Variants in SDAD1 observed in about 807,000 individuals in gnomAD.
SDAD1 encodes the protein SDA1 domain containing 1, also known as protein SDA1 homolog.
A neutral mutation model predicts 100.3 loss-of-function variants in SDAD1; 79 were observed. That is an observed-to-expected ratio of 0.79 (90% confidence interval 0.66 to 0.95). The LOEUF is 0.95. Among genes scored for constraint, SDAD1 ranks in the 40% least tolerant of loss-of-function variants. The pLI is 0.00. For missense variants in SDAD1, 790 were observed against 810.9 expected (o/e 0.97, Z 0.31); for synonymous variants, 267 against 271.4 (o/e 0.98, Z 0.16).
intron 14 of SDAD1, among the ~76,000 whole-genome samples, chr4:75,963,161 TTTC>T (rs1729344410): frequency 6.6e-6 from 1 of 152,220 alleles, no homozygotes; most frequent in Admixed American, 6.5e-5. Context: ...CCTTTCCCTA[TTTC>T]TTGTTTTTGT....
Position 75,984,776 on chromosome 4 carries a change from CAA to C in SDAD1, c.91-2741_91-2740del, listed in dbSNP as rs879804124. Among the ~76,000 whole-genome samples, 526 of 120,098 alleles carry C rather than the reference CAA, an allele frequency of 4.4e-3. 4 individuals are homozygous for C. The highest frequency in any genetic ancestry group is 0.012 in the African/African-American group (373 of 30,488). The allele number at this position is 120,098 out of a possible 152,430, so 78.8% of individuals were successfully genotyped here. On this transcript the variant is annotated intron_variant, in intron 1 of 21. Coordinates refer to ENST00000356260, the MANE Select transcript of SDAD1 (RefSeq NM_018115.4). ...ATTATGTGACATACACACACACACA[CAA>C]ACACACACACACACACACACACACA...
At chr4:75,968,267 G>A (rs1438292110) in intron 11 of SDAD1, among the ~76,000 whole-genome samples, 1 of 152,218 alleles carries the variant, frequency 6.6e-6, no homozygotes, top group Non-Finnish European at 1.5e-5. Flanking sequence ...AAAAAGCAAT[G>A]TAGTCAGCAA....
chr4:75,971,257 A>G, intron 9 of SDAD1, 100 bp downstream of exon 9: 1 of 779,456 alleles, frequency 1.3e-6, no homozygotes, highest in South Asian at 1.8e-5. Flanking sequence ...AAGTATTCTG[A>G]AAATGGTACT....
At chr4:75,965,151 G>A (rs992781658) in intron 13 of SDAD1, among the ~76,000 whole-genome samples, 6 of 152,188 alleles carry the variant, frequency 3.9e-5, no homozygotes, top group Non-Finnish European at 8.8e-5. Flanking sequence ...GAAAGAGAAT[G>A]TGTTCCTAGA....
intron 16 of SDAD1, 124 bp downstream of exon 16, chr4:75,960,904 C>T (rs940365672): frequency 8.3e-5 from 65 of 779,698 alleles, no homozygotes; most frequent in Non-Finnish European, 1.2e-4. Context: ...AGAATACAAC[C>T]GTGTGCATCA....
chr4:75,974,179 G>A (rs764691138), intron 6 of SDAD1, 46 bp from the exon 7 acceptor site: 5 of 1,459,186 alleles, frequency 3.4e-6, no homozygotes, highest in Admixed American at 1.7e-5. Context: ...TCATTCTACT[G>A]TATTTCATAG....
At chr4:75,959,162 C>G (rs1343399903) in intron 17 of SDAD1, among the ~76,000 whole-genome samples, 1 of 147,672 alleles carries the variant, frequency 6.8e-6, no homozygotes, top group Admixed American at 6.7e-5. Context: ...GACCTGACTG[C>G]TCTCCTGCCC....
intron 1 of SDAD1, among the ~76,000 whole-genome samples, chr4:75,986,671 G>C (rs1730912867): frequency 6.6e-6 from 1 of 152,124 alleles, no homozygotes; most frequent in African/African-American, 2.4e-5. Context: ...TGCCCCATCA[G>C]TATATAGACA....
chr4:75,964,037 A>G, intron 14 of SDAD1, 98 bp downstream of exon 14: 1 of 776,142 alleles, frequency 1.3e-6, no homozygotes, highest in Non-Finnish European at 2.2e-6. Flanking sequence ...AATTTTATAG[A>G]GGTGATACTA....
chr4:75,990,773 G>C lies in SDAD1; in HGVS notation c.69C>G (p.Asp23Glu). 2 of 1,614,134 alleles carry C rather than the reference G, an allele frequency of 1.2e-6. No homozygotes were observed. The highest frequency in any genetic ancestry group is 2.2e-5 in the East Asian group (1 of 44,886). Reference sequence around the variant, plus strand: ...CCACCTCCTCGATGTAGGCCGGCGGGTCTCGCTTGATTAGATTCTGTAACT... The same window carrying C: ...CCACCTCCTCGATGTAGGCCGGCGGCTCTCGCTTGATTAGATTCTGTAACT... ...LPQLQNLIKR[D>E]PPAYIEEFLQ... Residue 23 changes from aspartate to glutamate, a missense_variant, in exon 1 of 22, where the codon GAC becomes GAG. By Grantham distance (45) the Asp-to-Glu change is conservative. Transcript: ENST00000356260.
chr4:75,963,880 C>T (rs1376191746), intron 14 of SDAD1, among the ~76,000 whole-genome samples: 1 of 152,122 alleles, frequency 6.6e-6, no homozygotes, highest in Non-Finnish European at 1.5e-5. Context: ...GTTTGCTAAT[C>T]AATTATTCAT....
Position 75,990,932 on chromosome 4 carries a change from G to C in SDAD1, c.-91C>G, listed in dbSNP as rs909164681. The C allele has an allele frequency of 6.7e-7, 1 of 1,486,568 alleles. No individual in the cohort carries two copies. The highest frequency in any genetic ancestry group is 1.4e-5 in the African/African-American group (1 of 72,346). The allele number at this position is 1,486,568 out of a possible 1,614,324, so 92.1% of individuals were successfully genotyped here. ...TCCCTGCCAGCTGCAGCTTGGACTC[G>C]TGTTTCCGGGTATGACCGGAAATAG... is the stretch of plus-strand genomic sequence containing the variant. On this transcript the variant is annotated 5_prime_UTR_variant, in exon 1 of 22. Coordinates refer to ENST00000356260, the MANE Select transcript of SDAD1 (RefSeq NM_018115.4).
intron 21 of SDAD1, 29 bp from the exon 22 acceptor site, chr4:75,950,826 A>G (rs368245315): frequency 1.1e-4 from 165 of 1,527,440 alleles, no homozygotes; most frequent in South Asian, 2.3e-4. Flanking sequence ...TTGAAACATG[A>G]TAACTCTTGG....
intron 3 of SDAD1, among the ~76,000 whole-genome samples, chr4:75,980,536 T>A (rs66932304): frequency 0.22 from 33,335 of 152,068 alleles, 4,601 homozygotes; most frequent in East Asian, 0.5. Flanking sequence ...AGAGACTGAT[T>A]TATTACAAGT....
At chr4:75,971,960 A>C (rs1371231868) in intron 8 of SDAD1, among the ~76,000 whole-genome samples, 1 of 141,722 alleles carries the variant, frequency 7.1e-6, no homozygotes, top group South Asian at 2.2e-4. Context: ...TTTTTTTGAG[A>C]TGGAGTCTCA....
Position 75,960,155 on chromosome 4 carries a change from T to C in SDAD1, c.1394A>G (p.Gln465Arg), listed in dbSNP as rs1729148504. ...TTTAGCATCTAATTCTCCATATTCT[T>C]GTACTCTTGCTTCTATGGAGGCCTC... ...PTEASIEARV[Q>R]EYGELDAKDY... Residue 465 changes from glutamine (Q) to arginine (R), a missense_variant, in exon 17 of 22, where the codon CAA (glutamine) becomes CGA (arginine). Coordinates refer to ENST00000356260, the MANE Select transcript of SDAD1 (RefSeq NM_018115.4). 1 of 1,610,740 alleles carries C rather than the reference T, an allele frequency of 6.2e-7. No individual in the cohort carries two copies. The highest frequency in any genetic ancestry group is 1.3e-5 in the African/African-American group (1 of 74,770).
intron 14 of SDAD1, among the ~76,000 whole-genome samples, 183 bp downstream of exon 14, chr4:75,963,952 T>C (rs1258190665): frequency 6.6e-6 from 1 of 152,242 alleles, no homozygotes; most frequent in Non-Finnish European, 1.5e-5. Flanking sequence ...ATCTTTTCTC[T>C]GGCTCCCTTC....
intron 12 of SDAD1, among the ~76,000 whole-genome samples, 171 bp from the exon 13 acceptor site, chr4:75,965,993 C>T (rs532459075): frequency 6.6e-6 from 1 of 152,062 alleles, no homozygotes; most frequent in Non-Finnish European, 1.5e-5. Flanking sequence ...TCTTCAGGTC[C>T]CTACTCAATA....
intron 1 of SDAD1, among the ~76,000 whole-genome samples, chr4:75,990,228 T>TAACTA (rs918054410): frequency 2.0e-5 from 3 of 150,854 alleles, no homozygotes; most frequent in Non-Finnish European, 4.4e-5. Context: ...AATCCTGGCT[T>TAACTA]AACTAAATAT....
Sources: allele counts gnomAD v4.1 joint callset (sites outside exome capture counted in the v4.1 genomes callset), GRCh38; gene constraint gnomAD v4.1.1; transcripts MANE v1.5; gene names NCBI Gene and HGNC (gene_info 2026-07-23, HGNC 2026-07-21).